ROBO1: variants seen among roughly 807,000 people sequenced by gnomAD.
ROBO1 encodes the protein roundabout homolog 1.
In ROBO1, 149 loss-of-function variants were observed where a neutral mutation model predicts 195.9. That is an observed-to-expected ratio of 0.76 (90% CI 0.67 to 0.87). The LOEUF (loss-of-function observed/expected upper bound fraction) is 0.87. Ranked by LOEUF, ROBO1 falls within the 40% of genes least tolerant of loss-of-function variation. ROBO1 has a pLI of 0.00. For synonymous variants in ROBO1, 816 were observed against 733.2 expected, an observed-to-expected ratio of 1.11 and a Z score of -1.82; for missense variants, 1,933 against 2,068.3, an observed-to-expected ratio of 0.93 and a Z score of 1.27.
chr3:79,679,462 A>G (rs1946879892), intron 1 of ROBO1, among the ~76,000 whole-genome samples: 1 of 152,014 alleles, frequency 6.6e-6, no homozygotes, highest in African/African-American at 2.4e-5. Context: ...GAACAATTAC[A>G]TTATTTACTG....
At chr3:78,975,805 T>A (rs1259112921) in intron 3 of ROBO1, among the ~76,000 whole-genome samples, 5 of 152,078 alleles carry the variant, frequency 3.3e-5, no homozygotes, top group Admixed American at 6.6e-5. Flanking sequence ...CTGCAACAAA[T>A]ACAAAAAGGA....
Position 78,614,680 on chromosome 3 carries a change from G to A in ROBO1, c.4403C>T (p.Pro1468Leu), listed in dbSNP as rs780501184. 1.2e-6 allele frequency: 2 copies of A among 1,613,714 alleles called. No homozygotes were observed. Among genetic ancestry groups the A allele is most frequent in the Admixed American group, 3.3e-5 (2 of 59,998 alleles). The change falls in exon 28 of 31, where the codon CCA becomes CTA. Residue 1468 changes from proline to leucine, a missense_variant. Transcript: ENST00000464233. Reference protein sequence around the residue: ...TRPAKKLKHQPGHLRRETYTD... With the variant: ...TRPAKKLKHQLGHLRRETYTD... ...GTAGGTTTCTCTGCGCAGATGTCCT[G>A]GCTGGTGTTTCAGTTTCTTGGCTGG...
chr3:79,392,626 C>T (rs1268521839), intron 2 of ROBO1, among the ~76,000 whole-genome samples: 1 of 152,274 alleles, frequency 6.6e-6, no homozygotes, highest in East Asian at 1.9e-4. Flanking sequence ...ACTTGTGCAG[C>T]ATGACTAAGT....
chr3:79,319,382 T>C (rs1159127875), intron 2 of ROBO1, among the ~76,000 whole-genome samples: 2 of 152,162 alleles, frequency 1.3e-5, no homozygotes, highest in Non-Finnish European at 2.9e-5. Flanking sequence ...TTTTAAAAAG[T>C]TGAGCTAAAA....
At chr3:79,612,298 C>A (rs577747715) in intron 1 of ROBO1, among the ~76,000 whole-genome samples, 14 of 146,842 alleles carry the variant, frequency 9.5e-5, no homozygotes, top group African/African-American at 3.3e-4. Flanking sequence ...TTTGTTCTTG[C>A]GATAGTTTAC....
chr3:79,390,725 G>C (rs576030192), intron 2 of ROBO1, among the ~76,000 whole-genome samples: 2 of 152,100 alleles, frequency 1.3e-5, no homozygotes, highest in Non-Finnish European at 2.9e-5. Flanking sequence ...AGACAGAGGA[G>C]TCTGAGGAGA....
At chr3:79,344,732 G>A (rs918417278) in intron 2 of ROBO1, among the ~76,000 whole-genome samples, 1 of 152,088 alleles carries the variant, frequency 6.6e-6, no homozygotes, top group Non-Finnish European at 1.5e-5. Flanking sequence ...GAGAGAGAGA[G>A]AGAGAGGGTG....
In ROBO1 at chr3:79,743,504, C is replaced by T. The variant is rs377000637; in HGVS notation, c.-51+24248G>A. Among the ~76,000 whole-genome samples the T allele has an allele frequency of 4.6e-5, 7 of 152,198 alleles. No homozygotes were observed. In the East Asian group the frequency reaches 1.4e-3, roughly 29 times the overall value. On this transcript the variant is annotated intron_variant, in intron 1 of 30. Transcript: ENST00000464233. ...GGATATTGCTATATACTGCTGTAGA[C>T]TTTATGAACACTGTACACTTAGACT...
At chr3:79,383,044 A>C (rs947250481) in intron 2 of ROBO1, among the ~76,000 whole-genome samples, 1 of 152,146 alleles carries the variant, frequency 6.6e-6, no homozygotes, top group Non-Finnish European at 1.5e-5. Context: ...ACATTGAAAA[A>C]GAAGAGTTCT....
At chr3:79,116,706 CG>C (rs2080010197) in intron 3 of ROBO1, among the ~76,000 whole-genome samples, 1 of 151,626 alleles carries the variant, frequency 6.6e-6, no homozygotes, top group African/African-American at 2.4e-5. Context: ...TTAGTAGAGA[CG>C]GGGCTTCACC....
chr3:79,304,795 T>A (rs939303602), intron 2 of ROBO1, among the ~76,000 whole-genome samples: 1 of 152,218 alleles, frequency 6.6e-6, no homozygotes, highest in Non-Finnish European at 1.5e-5. Flanking sequence ...GCTGTAACCA[T>A]GTACATTTGT....
intron 4 of ROBO1, among the ~76,000 whole-genome samples, chr3:78,809,934 C>G (rs1156730502): frequency 6.6e-6 from 1 of 150,952 alleles, no homozygotes; most frequent in African/African-American, 2.4e-5. Context: ...ATGTGTATAC[C>G]TATGTAACAA....
chr3:78,634,182 T>C, intron 23 of ROBO1, 140 bp from the exon 24 acceptor site: 1 of 496,692 alleles, frequency 2.0e-6, no homozygotes, highest in Non-Finnish European at 3.6e-6. Flanking sequence ...TCTATTGTTG[T>C]ATTCAGATTG....
intron 1 of ROBO1, among the ~76,000 whole-genome samples, chr3:79,623,167 A>G (rs1576134843): frequency 6.6e-6 from 1 of 152,066 alleles, no homozygotes; most frequent in African/African-American, 2.4e-5. Context: ...CAACAACAAA[A>G]CCTTCACAAT....
At chr3:79,547,092 G>C (rs1483925324) in intron 2 of ROBO1, among the ~76,000 whole-genome samples, 1 of 148,886 alleles carries the variant, frequency 6.7e-6, no homozygotes, top group Non-Finnish European at 1.5e-5. Flanking sequence ...GGCTGAGGCA[G>C]GAGAATGGCG....
chr3:79,149,504 C>T (rs1012824928), intron 2 of ROBO1, among the ~76,000 whole-genome samples: 14 of 145,954 alleles, frequency 9.6e-5, no homozygotes, highest in East Asian at 6.2e-4. Context: ...TCAGTCTCTT[C>T]GAACTGTGTT....
intron 4 of ROBO1, among the ~76,000 whole-genome samples, chr3:78,851,166 C>A (rs2034039281): frequency 6.6e-6 from 1 of 152,006 alleles, no homozygotes; most frequent in South Asian, 2.1e-4. Context: ...TCTTATTGGT[C>A]TATTTAAACT....
At chr3:78,826,261 T>C (rs535234695) in intron 4 of ROBO1, among the ~76,000 whole-genome samples, 3 of 152,210 alleles carry the variant, frequency 2.0e-5, no homozygotes, top group African/African-American at 7.2e-5. Flanking sequence ...ACGCACATTA[T>C]ATTCTACAGA....
chr3:79,764,583 T>C (rs1704884762), intron 1 of ROBO1, among the ~76,000 whole-genome samples: 1 of 152,206 alleles, frequency 6.6e-6, no homozygotes, highest in Admixed American at 6.5e-5. Flanking sequence ...TTCACATCTT[T>C]GTGGTGTCTA....
Sources: allele counts gnomAD v4.1 joint callset (sites outside exome capture counted in the v4.1 genomes callset), GRCh38; gene constraint gnomAD v4.1.1; transcripts MANE v1.5; gene names NCBI Gene and HGNC (gene_info 2026-07-23, HGNC 2026-07-21).